NOL4: variants seen among roughly 807,000 people sequenced by gnomAD.
NOL4 encodes nucleolar protein 4, also known as cancer/testis antigen 125.
NOL4 carries 17 observed loss-of-function variants against 75.9 expected under a neutral mutation model. The ratio of observed to expected loss-of-function variants is 0.22; its 90% confidence interval spans 0.15 to 0.34. NOL4 has a LOEUF of 0.34. NOL4 is among the 10% of genes least tolerant of loss of function. NOL4 has a pLI of 1.00. For missense variants in NOL4, 614 were observed against 793.5 expected (o/e 0.77, Z 2.72); for synonymous variants, 292 against 289.9 (o/e 1.01, Z -0.07).
intron 2 of NOL4, among the ~76,000 whole-genome samples, chr18:34,113,259 C>CA (rs769943165): frequency 3.3e-5 from 5 of 152,176 alleles, no homozygotes; most frequent in Admixed American, 6.5e-5. Flanking sequence ...GGATTACAGG[C>CA]ATGAGCAACT....
At chr18:33,878,485 C>T (rs1176787830) in intron 10 of NOL4, among the ~76,000 whole-genome samples, 3 of 152,046 alleles carry the variant, frequency 2.0e-5, no homozygotes, top group Non-Finnish European at 4.4e-5. Flanking sequence ...GGTTAATTCT[C>T]TACAGTCAAT....
intron 1 of NOL4, among the ~76,000 whole-genome samples, chr18:34,195,941 C>A (rs2035296532): frequency 6.6e-6 from 1 of 152,164 alleles, no homozygotes; most frequent in Middle Eastern, 3.4e-3. Flanking sequence ...TTCAGGGTAA[C>A]CTTTCTCTAA....
At chr18:34,093,217 A>T (rs1219903495) in intron 5 of NOL4, among the ~76,000 whole-genome samples, 1 of 152,232 alleles carries the variant, frequency 6.6e-6, no homozygotes, top group Non-Finnish European at 1.5e-5. Context: ...GGAGCAAAAC[A>T]TGAATTAACT....
At chr18:33,996,910 C>T (rs2146182723) in intron 6 of NOL4, among the ~76,000 whole-genome samples, 1 of 151,820 alleles carries the variant, frequency 6.6e-6, no homozygotes, top group Admixed American at 6.6e-5. Context: ...ATTTATTTTC[C>T]TATGGGTGTA....
intron 9 of NOL4, among the ~76,000 whole-genome samples, chr18:33,931,684 T>C (rs2067703720): frequency 6.6e-6 from 1 of 152,028 alleles, no homozygotes; most frequent in African/African-American, 2.4e-5. Context: ...CAGTGAGCTC[T>C]GATCATGCCA....
At chr18:34,165,774 G>A (rs2032254885) in intron 1 of NOL4, among the ~76,000 whole-genome samples, 1 of 151,718 alleles carries the variant, frequency 6.6e-6, no homozygotes, top group African/African-American at 2.4e-5. Flanking sequence ...TCAAACCAGA[G>A]GTGATTCTTT....
In NOL4 at chr18:33,883,352, G is replaced by C; in HGVS notation, c.1615C>G (p.Pro539Ala). 1 of 1,613,300 alleles carries C rather than the reference G, an allele frequency of 6.2e-7. No homozygotes were observed. The highest frequency in any genetic ancestry group is 8.5e-7 in the Non-Finnish European group (1 of 1,179,566). ...ATGTACAGCACGTCCTGTGAGCCTG[G>C]AACAGCTGATGTTGAGTAAGTGGCC... ...TQATYSTSAV[P>A]GSQDVLYING... The change falls in exon 10 of 11, where the codon CCA becomes GCA. Residue 539 changes from proline (P) to alanine (A), a missense_variant. Transcript: ENST00000261592.
chr18:33,993,201 C>G (rs1284456765), intron 6 of NOL4, among the ~76,000 whole-genome samples: 1 of 151,850 alleles, frequency 6.6e-6, no homozygotes, highest in Non-Finnish European at 1.5e-5. Flanking sequence ...TTAGTCTGAA[C>G]AGCAAATTAT....
rs1019897933 is a variant in NOL4, at chr18:33,857,488, G to T, written c.1724-4453C>A. Among the ~76,000 whole-genome samples the T allele has an allele frequency of 1.5e-4, 23 of 152,068 alleles. No individual in the cohort carries two copies. The East Asian group carries it at 3.5e-3, about 23-fold the overall frequency. On this transcript the variant is annotated intron_variant, in intron 10 of 10. Transcript: ENST00000261592. Reference sequence around the variant, plus strand: ...CAGATCGAATTCAACAAGAAACATTGCCAATTCTGCAGCAAAAATTAATTT... The same window carrying T: ...CAGATCGAATTCAACAAGAAACATTTCCAATTCTGCAGCAAAAATTAATTT...
At chr18:34,120,707 AGGAAGTCAGTAT>A (rs1351783453) in intron 2 of NOL4, among the ~76,000 whole-genome samples, 1 of 152,216 alleles carries the variant, frequency 6.6e-6, no homozygotes, top group Non-Finnish European at 1.5e-5. Flanking sequence ...CTACAGAGGT[AGGAAGTCAGTAT>A]TCTCCAAAGA....
chr18:34,024,194 A>AAAATATATATATATATATATAT, intron 5 of NOL4, among the ~76,000 whole-genome samples: 27 of 70,670 alleles, frequency 3.8e-4, no homozygotes, highest in Middle Eastern at 6.3e-3. Context: ...AAAAAAAAAA[A>AAAATATATATATATATATATAT]ATATATATAT....
intron 6 of NOL4, among the ~76,000 whole-genome samples, chr18:33,999,430 T>C (rs1222307345): frequency 6.6e-6 from 1 of 152,154 alleles, no homozygotes; most frequent in Non-Finnish European, 1.5e-5. Flanking sequence ...TGTTATTTTC[T>C]AAGGCAATTA....
intron 2 of NOL4, among the ~76,000 whole-genome samples, chr18:34,118,383 C>T (rs2079963798): frequency 6.6e-6 from 1 of 152,022 alleles, no homozygotes; most frequent in Non-Finnish European, 1.5e-5. Flanking sequence ...ATTTGTATCA[C>T]AAACCCTCTG....
At chr18:34,090,456 T>G (rs1344492363) in intron 5 of NOL4, among the ~76,000 whole-genome samples, 1 of 152,016 alleles carries the variant, frequency 6.6e-6, no homozygotes, top group East Asian at 1.9e-4. Context: ...AGTCCTGAGC[T>G]CAGGAAAGAT....
intron 9 of NOL4, among the ~76,000 whole-genome samples, chr18:33,936,712 G>A (rs942097183): frequency 4.6e-5 from 7 of 151,928 alleles, no homozygotes; most frequent in Non-Finnish European, 7.4e-5. Flanking sequence ...ACAGAACTAC[G>A]AACTAATTTA....
intron 5 of NOL4, among the ~76,000 whole-genome samples, chr18:34,090,818 G>A (rs1393151955): frequency 6.6e-6 from 1 of 152,156 alleles, no homozygotes; most frequent in Non-Finnish European, 1.5e-5. Context: ...AGCCAAAAAG[G>A]ATAGAGTGGA....
intron 10 of NOL4, among the ~76,000 whole-genome samples, chr18:33,862,539 T>C (rs193265417): frequency 6.6e-6 from 1 of 151,900 alleles, no homozygotes; most frequent in Admixed American, 6.6e-5. Context: ...AGGGCTAATA[T>C]CCAGAATCTA....
chr18:34,142,658 A>T (rs1351138696), intron 1 of NOL4, among the ~76,000 whole-genome samples: 1 of 152,116 alleles, frequency 6.6e-6, no homozygotes, highest in Non-Finnish European at 1.5e-5. Context: ...AGGAAGGGGA[A>T]CATCACACAC....
chr18:34,195,028 CAAAAA>C (rs35925381), intron 1 of NOL4, among the ~76,000 whole-genome samples: 1 of 131,900 alleles, frequency 7.6e-6, no homozygotes, highest in Non-Finnish European at 1.6e-5. Flanking sequence ...AACTCCGTCT[CAAAAA>C]AAAAAAAGAA....
Sources: allele counts gnomAD v4.1 joint callset (sites outside exome capture counted in the v4.1 genomes callset), GRCh38; gene constraint gnomAD v4.1.1; transcripts MANE v1.5; gene names NCBI Gene and HGNC (gene_info 2026-07-23, HGNC 2026-07-21).